ARID3A: variants seen among roughly 807,000 people sequenced by gnomAD.
The protein encoded by ARID3A is AT-rich interaction domain 3A.
Under a neutral mutation model 52.7 loss-of-function variants are expected in ARID3A, and 11 were observed. The observed-to-expected ratio is 0.21, with a 90% CI of 0.13 to 0.35. The LOEUF (loss-of-function observed/expected upper bound fraction) is 0.35, where lower values mean the gene tolerates loss of function less well. Among genes scored for constraint, ARID3A ranks in the 10% least tolerant of loss-of-function variants. The probability of loss-of-function intolerance (pLI) is 1.00; values close to 1 mark genes in which losing one functional copy is unlikely to be tolerated. For missense variants in ARID3A, 721 were observed against 838.5 expected (o/e 0.86, Z 1.73); for synonymous variants, 404 against 359.4 (o/e 1.12, Z -1.40).
chr19:959,727 C>T lies in ARID3A; in HGVS notation c.694-365C>T, dbSNP rs1295723685. On this transcript the variant is annotated intron_variant, in intron 3 of 8. Transcript: ENST00000263620. The surrounding 1 kb of genome is among the most constrained non-coding windows in gnomAD (Gnocchi z 5.0). ...GTGTCCTGAGAAGAGGAGAGAGAGA[C>T]GGGGAGACGGTCTTGTGGAGACGGA... Among the ~76,000 whole-genome samples, 2 of 151,978 alleles carry T rather than the reference C, an allele frequency of 1.3e-5. No individual in the cohort carries two copies. The highest frequency in any genetic ancestry group is 2.9e-5 in the Non-Finnish European group (2 of 67,990).
chr19:958,427 CAAAAA>C (rs35996712), intron 3 of ARID3A, among the ~76,000 whole-genome samples: 3 of 85,924 alleles, frequency 3.5e-5, no homozygotes, highest in South Asian at 3.7e-4. Context: ...GACTCCATCT[CAAAAA>C]AAAAAAAAAA....
rs1483770820 is a variant in ARID3A at position 960,470 on chromosome 19, G to A, written c.766+306G>A. On this transcript the variant is annotated intron_variant, in intron 4 of 8. Transcript: ENST00000263620. This position sits in a 1 kb window ranked among gnomAD's most constrained non-coding sequence, Gnocchi z 4.3. ...ATCTCCTTAGCATCCAGGGTGCAGT[G>A]AAGTGGGGGTCCCCACTACTGGGTA... is the stretch of plus-strand genomic sequence containing the variant. Among the ~76,000 whole-genome samples, 4 of 152,124 alleles carry A rather than the reference G, an allele frequency of 2.6e-5. No individual in the cohort carries two copies. The highest frequency in any genetic ancestry group is 9.7e-5 in the African/African-American group (4 of 41,420).
chr19:929,836 G>A lies in ARID3A; in HGVS notation c.308G>A (p.Gly103Glu). 2 of 1,545,272 alleles carry A rather than the reference G, an allele frequency of 1.3e-6. No homozygotes were observed. The highest frequency in any genetic ancestry group is 1.7e-6 in the Non-Finnish European group (2 of 1,147,366). ...AAREGTPGSP[G>E]RGREGPGEEH... ...CGGGAGGGGACACCGGGCTCACCCG[G>A]GCGAGGCAGAGAAGGGCCAGGAGAG... Residue 103 changes from glycine to glutamate, a missense_variant, in exon 2 of 9, where the codon GGG becomes GAG. Around this residue, in one of 5 missense-constraint regions of ARID3A, gnomAD observed 349 missense variants for 297.3 expected, o/e 1.17. Transcript: ENST00000263620. This position sits in a 1 kb window ranked among gnomAD's most constrained non-coding sequence, Gnocchi z 6.2.
chr19:968,631 G>A, intron 8 of ARID3A, 128 bp downstream of exon 8: 1 of 750,958 alleles, frequency 1.3e-6, no homozygotes, highest in Non-Finnish European at 2.2e-6. Flanking sequence ...CACGGCCAGG[G>A]GCTTTGCAGG....
chr19:968,044 C>A (rs374959431), intron 7 of ARID3A, among the ~76,000 whole-genome samples: 222 of 123,430 alleles, frequency 1.8e-3, no homozygotes, highest in South Asian at 1.8e-3. Context: ...GACTCCGTCT[C>A]AAAAAAAAAA....
intron 3 of ARID3A, among the ~76,000 whole-genome samples, chr19:952,158 T>A (rs1196239312): frequency 6.6e-6 from 1 of 150,756 alleles, no homozygotes; most frequent in African/African-American, 2.4e-5. Context: ...AAACAAAGTG[T>A]CTCAGGCTGG....
At chr19:939,431 T>C (rs2037501181) in intron 3 of ARID3A, among the ~76,000 whole-genome samples, 1 of 152,204 alleles carries the variant, frequency 6.6e-6, no homozygotes, top group South Asian at 2.1e-4. Flanking sequence ...GATACACTTT[T>C]GGTTCCAGAA....
rs372824329 is a variant in ARID3A, at chr19:939,442, G to A, written c.693+6700G>A. 1.2e-4 allele frequency among the ~76,000 whole-genome samples: 18 copies of A among 152,258 alleles called. No individual in the cohort carries two copies. The East Asian group carries it at 2.7e-3, about 23-fold the overall frequency. ...TCTCGATACACTTTTGGTTCCAGAA[G>A]TAACACTTGACACTCTTCTTGCAGA... On this transcript the variant is annotated intron_variant, in intron 3 of 8. Coordinates refer to ENST00000263620, the MANE Select transcript of ARID3A (RefSeq NM_005224.3).
rs939811496 is a variant in ARID3A at position 947,598 on chromosome 19, C to G, written c.694-12494C>G. ...CCGAGGTGCCAGGGTGGCGATCGCA[C>G]GAAGGGCCCGTCACGGGAGAATGAG... On this transcript the variant is annotated intron_variant, in intron 3 of 8. Transcript: ENST00000263620. The surrounding 1 kb of genome is among the most constrained non-coding windows in gnomAD (Gnocchi z 6.3). Among the ~76,000 whole-genome samples, 1 of 152,148 alleles carries G rather than the reference C, an allele frequency of 6.6e-6. No homozygotes were observed. Among genetic ancestry groups the G allele is most frequent in the Non-Finnish European group, 1.5e-5 (1 of 68,028 alleles).
In ARID3A at chr19:968,397, TC is replaced by T. The variant is rs772044404; in HGVS notation, c.1496-5del. The T allele has an allele frequency of 9.3e-6, 15 of 1,607,580 alleles. No homozygotes were observed. In the South Asian group the frequency reaches 1.6e-4, roughly 17 times the overall value. On this transcript the variant is annotated splice_region_variant and splice_polypyrimidine_tract_variant and intron_variant, in intron 7 of 8. Coordinates refer to ENST00000263620, the MANE Select transcript of ARID3A (RefSeq NM_005224.3). ...AAAAAAGAAACTAATTTGTTCTTCT[TC>T]CCACAGCCTCCGAAAGCCGCCAGGA...
intron 3 of ARID3A, among the ~76,000 whole-genome samples, chr19:933,487 G>C (rs350150): frequency 2.0e-5 from 3 of 152,034 alleles, no homozygotes; most frequent in Admixed American, 6.5e-5. Context: ...GCTCTGCCTC[G>C]ACCTCTGGGC....
chr19:929,481 CGTGGTGGTGGTGGTG>C lies in ARID3A; in HGVS notation c.-31_-17del, dbSNP rs533720923. The C allele has an allele frequency of 6.5e-6, 9 of 1,392,710 alleles. No homozygotes were observed. Among genetic ancestry groups the C allele is most frequent in the Admixed American group, 4.6e-5 (2 of 43,882 alleles). 86.3% of individuals were successfully genotyped at this position (1,392,710 alleles called of 1,614,324 possible). A position where few individuals can be genotyped will look rare whatever the true frequency, so the allele number is the denominator to read the frequency against. ...GCCCCCGCCGCCCACCCCTAGCGCC[CGTGGTGGTGGTGGTG>C]GTGGTGGTGGTGGTGGCCCGGGCCG... is the stretch of plus-strand genomic sequence containing the variant. On this transcript the variant is annotated 5_prime_UTR_variant, in exon 2 of 9. Coordinates refer to ENST00000263620, the MANE Select transcript of ARID3A (RefSeq NM_005224.3). The surrounding 1 kb of genome is among the most constrained non-coding windows in gnomAD (Gnocchi z 6.2).
At position 948,702 on chromosome 19, in the gene ARID3A, CTT is replaced by C. The variant is rs35592836; in HGVS notation, c.694-11366_694-11365del. ...GGGGACGAGGGATGAGGCCTGGAGT[CTT>C]TTTTTTTTTTTTTTTTTTTTTTTGA... On this transcript the variant is annotated intron_variant, in intron 3 of 8. Coordinates refer to ENST00000263620, the MANE Select transcript of ARID3A (RefSeq NM_005224.3). 7.8e-4 allele frequency among the ~76,000 whole-genome samples: 60 copies of C among 77,282 alleles called. 1 individual carries two copies. Among genetic ancestry groups the C allele is most frequent in the South Asian group, 5.7e-3 (11 of 1,920 alleles). The allele number at this position is 77,282 out of a possible 152,430, so 50.7% of individuals were successfully genotyped here. A position where few individuals can be genotyped will look rare whatever the true frequency, so the allele number is the denominator to read the frequency against.
rs1299548536 is a variant in ARID3A, at chr19:959,569, G to GAGA, written c.694-520_694-518dup. Among the ~76,000 whole-genome samples the GAGA allele has an allele frequency of 1.3e-5, 2 of 152,158 alleles. No homozygotes were observed. Among genetic ancestry groups the GAGA allele is most frequent in the African/African-American group, 4.8e-5 (2 of 41,450 alleles). The stretch of plus-strand genomic sequence containing the variant: ...TACAGGTGTGAGCCGCCACCCTGAA[G>GAGA]AGAAGTTGGTTTTGGACTTCTGGGC... On this transcript the variant is annotated intron_variant, in intron 3 of 8. Coordinates refer to ENST00000263620, the MANE Select transcript of ARID3A (RefSeq NM_005224.3). This position sits in a 1 kb window ranked among gnomAD's most constrained non-coding sequence, Gnocchi z 5.0.
rs1053219713 is a variant in ARID3A, at chr19:941,175, C to A, written c.693+8433C>A. On this transcript the variant is annotated intron_variant, in intron 3 of 8. Transcript: ENST00000263620. This position sits in a 1 kb window ranked among gnomAD's most constrained non-coding sequence, Gnocchi z 6.9. ...CGCGGCAGCCCGAGGGAGCGGTGCC[C>A]GCAGGCAGAGAGTGTCCCCGCGTGG... 6.6e-6 allele frequency among the ~76,000 whole-genome samples: 1 copy of A among 152,210 alleles called. No homozygotes were observed. Among genetic ancestry groups the A allele is most frequent in the Non-Finnish European group, 1.5e-5 (1 of 68,036 alleles).
At chr19:963,450 G>C (rs1039890149) in intron 4 of ARID3A, among the ~76,000 whole-genome samples, 7 of 152,228 alleles carry the variant, frequency 4.6e-5, no homozygotes, top group Non-Finnish European at 1.5e-5. Context: ...CCAGGGAGGG[G>C]CTGGGCAGAG....
Position 965,088 on chromosome 19 carries a change from C to T in ARID3A, c.1198+8C>T, listed in dbSNP as rs1349373753. 2 of 1,601,154 alleles carry T rather than the reference C, an allele frequency of 1.2e-6. No homozygotes were observed. Among genetic ancestry groups the T allele is most frequent in the South Asian group, 1.1e-5 (1 of 90,024 alleles). ...CCCCTAAGATCAAGAAAGGTAAGGG[C>T]CTGTATGGGGCCTGGGGCGTGTTCC... On this transcript the variant is annotated splice_region_variant and intron_variant, in intron 6 of 8. Transcript: ENST00000263620.
At chr19:956,171 A>C (rs541708002) in intron 3 of ARID3A, among the ~76,000 whole-genome samples, 1 of 152,220 alleles carries the variant, frequency 6.6e-6, no homozygotes, top group African/African-American at 2.4e-5. Flanking sequence ...CGTTCACCCC[A>C]GGACAGCCCC....
At position 973,133 on chromosome 19, in the gene ARID3A, A is replaced by ATTTTTTTTT. The variant is rs2038317421; in HGVS notation, c.*1068_*1069insTTTTTTTTT. ...TTTTTTTTTTTTTTTTTTGAGACGG[A>ATTTTTTTTT]GTTTTGCTCTTGTCGCCCAGGCTGG... is the stretch of plus-strand genomic sequence containing the variant. On this transcript the variant is annotated 3_prime_UTR_variant, in exon 9 of 9. Transcript: ENST00000263620. 1.4e-4 allele frequency: 1 copy of ATTTTTTTTT among 7,166 alleles called. No individual in the cohort carries two copies. Among genetic ancestry groups the ATTTTTTTTT allele is most frequent in the Non-Finnish European group, 4.1e-4 (1 of 2,426 alleles). 0.4% of individuals were successfully genotyped at this position (7,166 alleles called of 1,614,324 possible).
Sources: gnomAD v4.1 joint callset for allele counts (sites outside exome capture counted in the v4.1 genomes callset) on GRCh38, gnomAD v4.1.1 for gene constraint, gnomAD v4.1.1 regional missense constraint, Gnocchi (gnomAD v3.1) non-coding constraint, MANE v1.5 for transcripts, NCBI Gene and HGNC (gene_info 2026-07-23, HGNC 2026-07-21) for gene names.